The following SRGAP2C variants were observed in gnomAD, a reference collection of about 807,000 sequenced individuals.
SRGAP2C encodes SLIT-ROBO Rho GTPase-activating protein 2C.
SRGAP2C carries 15 observed loss-of-function variants against 25.1 expected under a neutral mutation model. The ratio of observed to expected loss-of-function variants is 0.60; its 90% CI spans 0.40 to 0.92. SRGAP2C has a LOEUF of 0.92. Among genes scored for constraint, SRGAP2C ranks in the 40% least tolerant of loss-of-function variants. The pLI, the probability that SRGAP2C is intolerant of heterozygous loss-of-function variation, is 0.00. For missense variants in SRGAP2C, 144 were observed against 264.4 expected, an observed-to-expected ratio of 0.54 and a Z score of 3.16; for synonymous variants, 44 against 96.6, an observed-to-expected ratio of 0.46 and a Z score of 3.19.
chr1:121,320,708 G>A (rs1485902626), intron 3 of SRGAP2C, among the ~76,000 whole-genome samples: 16 of 151,744 alleles, frequency 1.1e-4, no homozygotes, highest in African/African-American at 3.9e-4. Flanking sequence ...GTAATCTTGA[G>A]CTTTAAATTG....
intron 2 of SRGAP2C, among the ~76,000 whole-genome samples, chr1:121,258,270 G>T (rs1446678464): frequency 4.6e-5 from 7 of 151,680 alleles, no homozygotes; most frequent in Admixed American, 4.6e-4. Flanking sequence ...TGAAACTGAG[G>T]AGTAGATGGA....
rs1243860044 is a variant in SRGAP2C, at chr1:121,310,664, C to G, written c.261-13814C>G. Among the ~76,000 whole-genome samples the G allele has an allele frequency of 1.1e-4, 9 of 84,198 alleles. No individual in the cohort carries two copies. In the Admixed American group the frequency reaches 1.1e-3, roughly 11 times the overall value. 55.2% of individuals were successfully genotyped at this position (84,198 alleles called of 152,430 possible). A position where few individuals can be genotyped will look rare whatever the true frequency, so the allele number is the denominator to read the frequency against. On this transcript the variant is annotated intron_variant, in intron 3 of 9. Transcript: ENST00000367123. ...ATATGGCTAGCCAGTTTTCCCAGCA[C>G]CATTTATTAAATAAGGAATCCTTTC...
At chr1:121,195,289 A>G (rs1368296788) in intron 2 of SRGAP2C, among the ~76,000 whole-genome samples, 2 of 151,992 alleles carry the variant, frequency 1.3e-5, no homozygotes, top group Non-Finnish European at 2.9e-5. Flanking sequence ...GGGTGCCTGT[A>G]ATCCCAGCTA....
At chr1:121,188,225 T>C (rs1654573006) in intron 2 of SRGAP2C, among the ~76,000 whole-genome samples, 2 of 152,228 alleles carry the variant, frequency 1.3e-5, no homozygotes, top group Non-Finnish European at 2.9e-5. Context: ...TTAACCCTTC[T>C]GTGCTGTGGC....
At chr1:121,338,560 C>G (rs1658573883) in intron 4 of SRGAP2C, among the ~76,000 whole-genome samples, 1 of 141,356 alleles carries the variant, frequency 7.1e-6, no homozygotes, top group Non-Finnish European at 1.5e-5. Flanking sequence ...GTTTTGTTTT[C>G]TTTTTTTTTT....
At chr1:121,378,914 G>A (rs1453070818) in intron 7 of SRGAP2C, among the ~76,000 whole-genome samples, 1 of 152,178 alleles carries the variant, frequency 6.6e-6, no homozygotes, top group Non-Finnish European at 1.5e-5. Flanking sequence ...GCCACACTGG[G>A]GAAACCTTGA....
At chr1:121,375,005 A>G (rs1553352777) in intron 7 of SRGAP2C, 51 bp downstream of exon 7, 1 of 755,350 alleles carries the variant, frequency 1.3e-6, no homozygotes, top group African/African-American at 1.7e-5. Context: ...TGGTTTCAGA[A>G]TACTCGTCAG....
At chr1:121,191,874 C>T (rs1417594769) in intron 2 of SRGAP2C, among the ~76,000 whole-genome samples, 3 of 139,712 alleles carry the variant, frequency 2.1e-5, no homozygotes, top group Non-Finnish European at 4.6e-5. Context: ...TTTTCTTTCT[C>T]GAGAACATTA....
At chr1:121,224,216 T>C (rs1553326180) in intron 2 of SRGAP2C, among the ~76,000 whole-genome samples, 2 of 92,820 alleles carry the variant, frequency 2.2e-5, no homozygotes, top group Non-Finnish European at 4.2e-5. Flanking sequence ...GTTCTTATTT[T>C]GCACGTCTCT....
chr1:121,206,949 T>TA (rs1655128295), intron 2 of SRGAP2C, among the ~76,000 whole-genome samples: 2 of 146,512 alleles, frequency 1.4e-5, no homozygotes, highest in South Asian at 4.6e-4. Flanking sequence ...ATGGCAGAAA[T>TA]AGACATATGG....
At chr1:121,357,027 C>T (rs1239626472) in intron 4 of SRGAP2C, among the ~76,000 whole-genome samples, 8 of 149,050 alleles carry the variant, frequency 5.4e-5, no homozygotes, top group Non-Finnish European at 4.4e-5. Context: ...ATGCCTGTCC[C>T]TGACAAGAGA....
At chr1:121,222,235 A>C (rs1553325787) in intron 2 of SRGAP2C, among the ~76,000 whole-genome samples, 1 of 152,170 alleles carries the variant, frequency 6.6e-6, no homozygotes, top group African/African-American at 2.4e-5. Flanking sequence ...CCAGGATCCC[A>C]AAGTCTGCCT....
At chr1:121,378,452 G>T (rs1469704332) in intron 7 of SRGAP2C, among the ~76,000 whole-genome samples, 22 of 149,982 alleles carry the variant, frequency 1.5e-4, no homozygotes, top group African/African-American at 5.4e-4. Flanking sequence ...GCCCATTGTA[G>T]AACTTCACAA....
chr1:121,239,284 A>C (rs1486343848), intron 2 of SRGAP2C, among the ~76,000 whole-genome samples: 1 of 13,002 alleles, frequency 7.7e-5, no homozygotes, highest in South Asian at 1.3e-3. Flanking sequence ...TATATATACT[A>C]TATATATATA....
At chr1:121,351,573 G>A (rs1553345885) in intron 4 of SRGAP2C, among the ~76,000 whole-genome samples, 1 of 141,268 alleles carries the variant, frequency 7.1e-6, no homozygotes, top group Non-Finnish European at 1.5e-5. Context: ...TCGCGCCACT[G>A]CACTCCAGCC....
At chr1:121,197,928 G>A (rs1474669148) in intron 2 of SRGAP2C, among the ~76,000 whole-genome samples, 2 of 5,162 alleles carry the variant, frequency 3.9e-4, no homozygotes, top group Admixed American at 1.4e-3. Context: ...CTAAGTTTGA[G>A]AAAGTTTGTC....
chr1:121,362,704 C>G (rs868925694), intron 4 of SRGAP2C: 1 of 151,336 alleles, frequency 6.6e-6, no homozygotes, highest in Non-Finnish European at 1.5e-5. Flanking sequence ...CTTCCTGACC[C>G]TGTTGCTGAC....
intron 2 of SRGAP2C, among the ~76,000 whole-genome samples, chr1:121,271,160 C>T (rs1215892718): frequency 1.3e-5 from 2 of 149,970 alleles, no homozygotes; most frequent in Non-Finnish European, 3.0e-5. Context: ...TAAGTTTCAT[C>T]TAGTCTGTTT....
rs1660105297 is a variant in SRGAP2C at position 121,391,959 on chromosome 1, A to G, written c.*4104A>G. 1 of 152,302 alleles carries G rather than the reference A, an allele frequency of 6.6e-6. No homozygotes were observed. The highest frequency in any genetic ancestry group is 1.9e-4 in the East Asian group (1 of 5,208). 9.4% of individuals were successfully genotyped at this position (152,302 alleles called of 1,614,324 possible). A position where few individuals can be genotyped will look rare whatever the true frequency, so the allele number is the denominator to read the frequency against. ...AATGTCAAAAGGAAAACATAAACAA[A>G]GAAATAAAGGAATCAGAAAAAATAT... is the stretch of plus-strand genomic sequence containing the variant. On this transcript the variant is annotated 3_prime_UTR_variant, in exon 10 of 10. Coordinates refer to ENST00000367123, the MANE Select transcript of SRGAP2C (RefSeq NM_001329984.2).
Sources: allele counts gnomAD v4.1 joint callset (sites outside exome capture counted in the v4.1 genomes callset), GRCh38; gene constraint gnomAD v4.1.1; transcripts MANE v1.5; gene names NCBI Gene and HGNC (gene_info 2026-07-23, HGNC 2026-07-21).